Variants in PTPRN2 observed in about 807,000 individuals in gnomAD.
The protein encoded by PTPRN2 is protein tyrosine phosphatase receptor type N2.
In PTPRN2, 74 loss-of-function variants were observed where a neutral mutation model predicts 118.8. That is an observed-to-expected ratio of 0.62 (90% CI 0.52 to 0.76). PTPRN2 has a LOEUF of 0.76. Ranked by LOEUF, PTPRN2 falls within the 30% of genes least tolerant of loss-of-function variation. PTPRN2 has a pLI of 0.00. For missense variants in PTPRN2, 1,481 were observed against 1,394.4 expected (o/e 1.06, Z -0.99); for synonymous variants, 641 against 608.0 (o/e 1.05, Z -0.80).
chr7:157,870,603 T>C (rs1810989624), intron 12 of PTPRN2, among the ~76,000 whole-genome samples: 1 of 152,254 alleles, frequency 6.6e-6, no homozygotes, highest in Admixed American at 6.5e-5. Flanking sequence ...AACAAGTTAG[T>C]ATGAGTTTAT....
intron 2 of PTPRN2, among the ~76,000 whole-genome samples, chr7:158,331,428 C>A (rs1456528228): frequency 6.7e-6 from 1 of 149,408 alleles, no homozygotes; most frequent in East Asian, 2.0e-4. Flanking sequence ...ACAGAGGTCA[C>A]TCACACCCAT....
intron 11 of PTPRN2, among the ~76,000 whole-genome samples, chr7:158,025,857 A>G (rs1296231080): frequency 6.6e-6 from 1 of 152,250 alleles, no homozygotes; most frequent in African/African-American, 2.4e-5. Flanking sequence ...CCGGCAGACA[A>G]TTCCAATCCG....
chr7:158,578,198 T>TA (rs1055212469), intron 1 of PTPRN2, among the ~76,000 whole-genome samples: 8 of 151,884 alleles, frequency 5.3e-5, no homozygotes, highest in African/African-American at 1.7e-4. Context: ...TTAGCATATC[T>TA]AAAAAAAGTG....
At chr7:158,578,481 A>G (rs1239130607) in intron 1 of PTPRN2, among the ~76,000 whole-genome samples, 4 of 146,700 alleles carry the variant, frequency 2.7e-5, no homozygotes, top group African/African-American at 1.0e-4. Context: ...GCTGCAGTGA[A>G]CTATGACTAT....
At chr7:157,949,789 T>C (rs1432134718) in intron 11 of PTPRN2, among the ~76,000 whole-genome samples, 1 of 152,240 alleles carries the variant, frequency 6.6e-6, no homozygotes, top group Non-Finnish European at 1.5e-5. Flanking sequence ...AAATGAATGA[T>C]TAAGCACTGT....
intron 2 of PTPRN2, among the ~76,000 whole-genome samples, chr7:158,386,338 T>C (rs1225978456): frequency 3.0e-5 from 3 of 99,996 alleles, no homozygotes; most frequent in South Asian, 3.7e-4. Context: ...TCCCTCCTTC[T>C]GTACCCCTCC....
At chr7:158,424,425 G>A (rs758385668) in intron 2 of PTPRN2, among the ~76,000 whole-genome samples, 11 of 152,132 alleles carry the variant, frequency 7.2e-5, no homozygotes, top group Admixed American at 2.6e-4. Flanking sequence ...TAGCTCCGGG[G>A]GCCGAGTGAA....
intron 6 of PTPRN2, among the ~76,000 whole-genome samples, chr7:158,153,571 A>G (rs1477871616): frequency 6.6e-6 from 1 of 152,144 alleles, no homozygotes; most frequent in East Asian, 1.9e-4. Flanking sequence ...CCACTCCCCC[A>G]TCGCACGCCC....
intron 2 of PTPRN2, among the ~76,000 whole-genome samples, chr7:158,431,365 C>G (rs1354514869): frequency 6.8e-6 from 1 of 146,970 alleles, no homozygotes; most frequent in Admixed American, 6.7e-5. Flanking sequence ...GGGCTTAGAC[C>G]AGGCACACAC....
chr7:157,669,805 G>A (rs754087002), intron 13 of PTPRN2, among the ~76,000 whole-genome samples: 3 of 152,162 alleles, frequency 2.0e-5, no homozygotes, highest in Non-Finnish European at 2.9e-5. Flanking sequence ...CCCCATCCCT[G>A]CGGCGCCCAG....
At chr7:158,160,077 C>G (rs1173276212) in intron 6 of PTPRN2, among the ~76,000 whole-genome samples, 1 of 152,132 alleles carries the variant, frequency 6.6e-6, no homozygotes, top group East Asian at 1.9e-4. Flanking sequence ...TTGTTATTGT[C>G]TTTATTTGGA....
intron 5 of PTPRN2, among the ~76,000 whole-genome samples, chr7:158,186,656 G>A (rs1346202036): frequency 6.6e-6 from 1 of 150,824 alleles, no homozygotes; most frequent in African/African-American, 2.4e-5. Context: ...GCCCCCTCTG[G>A]CATGAGCGCG....
intron 11 of PTPRN2, among the ~76,000 whole-genome samples, chr7:157,972,119 T>C (rs1802378376): frequency 6.6e-6 from 1 of 152,194 alleles, no homozygotes; most frequent in South Asian, 2.1e-4. Flanking sequence ...CATTTGGCTA[T>C]CAAGGCAGAA....
At chr7:157,914,490 G>T (rs541777140) in intron 11 of PTPRN2, among the ~76,000 whole-genome samples, 8 of 152,286 alleles carry the variant, frequency 5.3e-5, no homozygotes, top group South Asian at 2.1e-4. Context: ...AACTCTGCTG[G>T]AACACTCATG....
intron 6 of PTPRN2, among the ~76,000 whole-genome samples, chr7:158,140,776 C>T (rs1313166987): frequency 1.3e-5 from 2 of 152,242 alleles, no homozygotes; most frequent in Admixed American, 1.3e-4. Flanking sequence ...TCGTGTCCAC[C>T]TGCGGTCTGC....
At chr7:158,153,319 A>G (rs988684773) in intron 6 of PTPRN2, among the ~76,000 whole-genome samples, 1 of 152,238 alleles carries the variant, frequency 6.6e-6, no homozygotes, top group Non-Finnish European at 1.5e-5. Flanking sequence ...AGAACCCAGC[A>G]TTCAGAAAGC....
intron 14 of PTPRN2, among the ~76,000 whole-genome samples, chr7:157,650,684 G>C (rs1186261666): frequency 3.3e-5 from 5 of 152,214 alleles, no homozygotes; most frequent in African/African-American, 1.2e-4. Flanking sequence ...AGAAATACAG[G>C]GCACTGGGTC....
At chr7:157,999,268 G>A (rs186971396) in intron 11 of PTPRN2, among the ~76,000 whole-genome samples, 446 of 152,208 alleles carry the variant, frequency 2.9e-3, no homozygotes, top group African/African-American at 0.01. Context: ...GGTTCTAGTC[G>A]GCTTGTCCAC....
At chr7:158,088,419 T>C (rs1280360814) in intron 10 of PTPRN2, among the ~76,000 whole-genome samples, 5 of 17,312 alleles carry the variant, frequency 2.9e-4, no homozygotes, top group Admixed American at 5.8e-4. Flanking sequence ...ACAAACCTTC[T>C]TCCCCTGATG....
Sources: allele counts gnomAD v4.1 joint callset (sites outside exome capture counted in the v4.1 genomes callset), GRCh38; gene constraint gnomAD v4.1.1; transcripts MANE v1.5; gene names NCBI Gene and HGNC (gene_info 2026-07-23, HGNC 2026-07-21).